CDH18: variants seen among roughly 807,000 people sequenced by gnomAD.
CDH18 encodes cadherin 18, also known as cadherin-18.
Under a neutral mutation model 67.9 loss-of-function variants are expected in CDH18, and 31 were observed. The observed-to-expected ratio is 0.46, with a 90% CI of 0.34 to 0.62. The LOEUF is 0.62. CDH18 is among the 20% of genes least tolerant of loss of function. The pLI is 0.01. For synonymous variants in CDH18, 362 were observed against 347.2 expected, an observed-to-expected ratio of 1.04 and a Z score of -0.48; for missense variants, 890 against 975.5, an observed-to-expected ratio of 0.91 and a Z score of 1.17.
intron 1 of CDH18, among the ~76,000 whole-genome samples, chr5:20,361,798 G>A (rs554810591): frequency 2.0e-5 from 3 of 152,134 alleles, no homozygotes; most frequent in African/African-American, 7.2e-5. Context: ...ACATTAAAGT[G>A]CATTATGTTA....
intron 7 of CDH18, among the ~76,000 whole-genome samples, chr5:19,588,670 A>G (rs150386514): frequency 1.7e-3 from 253 of 152,168 alleles, no homozygotes; most frequent in African/African-American, 5.9e-3. Context: ...CTCACGTGCA[A>G]AGACACTTAT....
intron 2 of CDH18, among the ~76,000 whole-genome samples, chr5:19,921,593 G>A (rs1405235317): frequency 4.0e-5 from 6 of 149,464 alleles, no homozygotes; most frequent in Admixed American, 4.0e-4. Context: ...TCGTATCAAA[G>A]TCAATTGTTA....
intron 2 of CDH18, among the ~76,000 whole-genome samples, chr5:19,915,117 T>A (rs1276501440): frequency 6.6e-6 from 1 of 152,114 alleles, no homozygotes; most frequent in Non-Finnish European, 1.5e-5. Flanking sequence ...TTTTAAGAAA[T>A]ATATTAAAAA....
chr5:19,978,824 C>A (rs1798746086), intron 2 of CDH18, among the ~76,000 whole-genome samples: 1 of 137,046 alleles, frequency 7.3e-6, no homozygotes, highest in Non-Finnish European at 1.7e-5. Context: ...ACATTGGACG[C>A]ACCAAGTTTA....
intron 2 of CDH18, among the ~76,000 whole-genome samples, chr5:20,048,933 T>C (rs1741150324): frequency 6.6e-6 from 1 of 151,746 alleles, no homozygotes; most frequent in Non-Finnish European, 1.5e-5. Flanking sequence ...TATAAAATAT[T>C]TCCTGCAAAT....
chr5:19,795,498 A>T (rs1397132751), intron 3 of CDH18, among the ~76,000 whole-genome samples: 2 of 152,180 alleles, frequency 1.3e-5, no homozygotes, highest in African/African-American at 4.8e-5. Flanking sequence ...AGATAAACTT[A>T]GTAAGACTGA....
At chr5:19,787,671 A>C (rs547470466) in intron 3 of CDH18, among the ~76,000 whole-genome samples, 1 of 152,042 alleles carries the variant, frequency 6.6e-6, no homozygotes, top group African/African-American at 2.4e-5. Context: ...ACAACTAAAC[A>C]AAGTAAACAA....
At chr5:19,718,490 T>C (rs1045333495) in intron 5 of CDH18, among the ~76,000 whole-genome samples, 2 of 152,008 alleles carry the variant, frequency 1.3e-5, no homozygotes, top group African/African-American at 4.8e-5. Context: ...TTCAACTAAA[T>C]TCATTAGTTC....
In CDH18 at chr5:20,230,908, C is replaced by T. The variant is rs1008397967; in HGVS notation, c.-518+24536G>A. Among the ~76,000 whole-genome samples, 7 of 152,058 alleles carry T rather than the reference C, an allele frequency of 4.6e-5. No individual in the cohort carries two copies. In the South Asian group the frequency reaches 8.3e-4, roughly 18 times the overall value. The stretch of plus-strand genomic sequence containing the variant: ...CTCTAAATGTTAATAAACCTGTATA[C>T]ACAGAGAGGGAAAAAAGAAATAAAA... On this transcript the variant is annotated intron_variant, in intron 2 of 14. Transcript: ENST00000507958.
intron 1 of CDH18, among the ~76,000 whole-genome samples, chr5:20,265,496 G>T (rs904090021): frequency 2.0e-5 from 3 of 151,868 alleles, no homozygotes; most frequent in Non-Finnish European, 2.9e-5. Context: ...ATTTCTGAAT[G>T]CCCAGGAATA....
At chr5:20,355,416 T>C (rs1054280710) in intron 1 of CDH18, among the ~76,000 whole-genome samples, 2 of 152,134 alleles carry the variant, frequency 1.3e-5, no homozygotes, top group Non-Finnish European at 2.9e-5. Flanking sequence ...GAATTAAACA[T>C]AGCCTATAGC....
intron 1 of CDH18, among the ~76,000 whole-genome samples, chr5:20,425,971 T>G (rs1220411741): frequency 6.6e-6 from 1 of 151,220 alleles, no homozygotes. Flanking sequence ...GCCAAATAGG[T>G]AAAAATCCAA....
At chr5:20,001,585 T>C (rs915391203) in intron 2 of CDH18, among the ~76,000 whole-genome samples, 14 of 152,172 alleles carry the variant, frequency 9.2e-5, no homozygotes, top group Non-Finnish European at 2.9e-5. Context: ...CAGGGTTAAT[T>C]TGGGACTCTA....
At chr5:19,967,717 A>C (rs544021824) in intron 2 of CDH18, among the ~76,000 whole-genome samples, 73 of 152,234 alleles carry the variant, frequency 4.8e-4, no homozygotes, top group Non-Finnish European at 7.1e-4. Flanking sequence ...ATCTATGACA[A>C]ACCCACAGCC....
At chr5:19,909,787 T>C (rs1035002591) in intron 2 of CDH18, among the ~76,000 whole-genome samples, 1 of 152,152 alleles carries the variant, frequency 6.6e-6, no homozygotes, top group Non-Finnish European at 1.5e-5. Flanking sequence ...ATTATACTAA[T>C]GACAAAGAAG....
At chr5:20,546,996 T>A (rs1021161539) in intron 1 of CDH18, among the ~76,000 whole-genome samples, 1 of 152,130 alleles carries the variant, frequency 6.6e-6, no homozygotes, top group Non-Finnish European at 1.5e-5. Context: ...AGATGGAGTT[T>A]CTGGTATTCC....
chr5:20,204,487 A>G (rs1340697408), intron 2 of CDH18, among the ~76,000 whole-genome samples: 1 of 152,082 alleles, frequency 6.6e-6, no homozygotes, highest in Non-Finnish European at 1.5e-5. Context: ...TTTACAAGAA[A>G]TGTGAAAGGC....
chr5:20,028,096 ACTTT>A (rs1739071507), intron 2 of CDH18, among the ~76,000 whole-genome samples: 1 of 151,726 alleles, frequency 6.6e-6, no homozygotes, highest in Admixed American at 6.6e-5. Context: ...CATAAAAACA[ACTTT>A]CTATTTTTTT....
At chr5:19,635,664 A>T (rs1190858456) in intron 5 of CDH18, among the ~76,000 whole-genome samples, 1 of 152,218 alleles carries the variant, frequency 6.6e-6, no homozygotes, top group African/African-American at 2.4e-5. Flanking sequence ...AATTCTTAGA[A>T]TGCAGACTAT....
Sources: gnomAD v4.1 joint callset for allele counts (sites outside exome capture counted in the v4.1 genomes callset) on GRCh38, gnomAD v4.1.1 for gene constraint, MANE v1.5 for transcripts, NCBI Gene and HGNC (gene_info 2026-07-23, HGNC 2026-07-21) for gene names.